The following DMD variants were observed in gnomAD, a reference collection of about 807,000 sequenced individuals.
DMD encodes mutant dystrophin.
A neutral mutation model predicts 330.1 loss-of-function variants in DMD; 63 were observed. That is an observed-to-expected ratio of 0.19 (90% CI 0.16 to 0.24). The LOEUF (loss-of-function observed/expected upper bound fraction) is 0.24. Among genes scored for constraint, DMD ranks in the 10% least tolerant of loss-of-function variants. DMD has a pLI of 1.00. For missense variants in DMD, 3,344 were observed against 2,684.1 expected, an observed-to-expected ratio of 1.25 and a Z score of -5.43; for synonymous variants, 1,223 against 959.8, an observed-to-expected ratio of 1.27 and a Z score of -5.07.
At chrX:32,731,332 G>C (rs1226876806) in intron 7 of DMD, among the ~76,000 whole-genome samples, 2 of 112,524 alleles carry the variant, frequency 1.8e-5, no homozygotes, top group Non-Finnish European at 3.8e-5. Context: ...GCAAGGCTGG[G>C]GGAGGGGCAC....
chrX:31,214,953 T>C (rs945573366), intron 64 of DMD, among the ~76,000 whole-genome samples: 28 of 85,671 alleles, frequency 3.3e-4, no homozygotes, highest in African/African-American at 1.2e-3. Context: ...TTTTTTTTTT[T>C]TTTTTTGAGA....
intron 1 of DMD, among the ~76,000 whole-genome samples, chrX:33,072,086 C>T (rs2094767211): frequency 1.8e-5 from 2 of 111,879 alleles, no homozygotes; most frequent in African/African-American, 6.5e-5. Context: ...CTAAATGGAA[C>T]ATTGAATGGC....
chrX:32,108,642 CT>C (rs1399209134), intron 44 of DMD, among the ~76,000 whole-genome samples: 1 of 111,695 alleles, frequency 9.0e-6, no homozygotes, highest in Admixed American at 9.5e-5. Context: ...AAGGTGGTAT[CT>C]TTTCTCTGCT....
rs895088205 is a variant in DMD at position 31,514,554 on chromosome X, T to C, written c.8218-7101A>G. 1.3e-4 allele frequency among the ~76,000 whole-genome samples: 15 copies of C among 112,389 alleles called. No individual in the cohort carries two copies. The East Asian group carries it at 3.9e-3, about 29-fold the overall frequency. ...TTATTAGCCACATAATGATGAAAAC[T>C]CTTTCATTACTTTGGTTTCACTAAA... On this transcript the variant is annotated intron_variant, in intron 55 of 78. Coordinates refer to ENST00000357033, the MANE Select transcript of DMD (RefSeq NM_004006.3).
intron 7 of DMD, among the ~76,000 whole-genome samples, chrX:32,721,924 C>G (rs922216731): frequency 2.8e-5 from 3 of 107,961 alleles, no homozygotes; most frequent in African/African-American, 1.0e-4. Flanking sequence ...TGTCCTTTCC[C>G]CACATATCTT....
At chrX:32,271,318 A>G (rs575710010) in intron 43 of DMD, among the ~76,000 whole-genome samples, 2 of 112,538 alleles carry the variant, frequency 1.8e-5, no homozygotes, top group Admixed American at 1.9e-4. Context: ...GTGCATCTAA[A>G]TTGTCATTTC....
chrX:31,141,146 C>T (rs1369749977), intron 76 of DMD, among the ~76,000 whole-genome samples: 2 of 111,031 alleles, frequency 1.8e-5, no homozygotes, highest in Non-Finnish European at 3.8e-5. Flanking sequence ...GAGCTGAGAT[C>T]GCACCACTGC....
intron 7 of DMD, among the ~76,000 whole-genome samples, chrX:32,782,301 C>CA (rs1256218661): frequency 9.0e-6 from 1 of 111,057 alleles, no homozygotes; most frequent in Non-Finnish European, 1.9e-5. Flanking sequence ...CAAAACAAAA[C>CA]AAAAAACTAA....
rs1293888449 is a variant in DMD, at chrX:31,351,181, T to TATAC, written c.9085-2551_9085-2548dup. On this transcript the variant is annotated intron_variant, in intron 60 of 78. Transcript: ENST00000357033. ...ATATACACACACACACACACACACATATACATACATACATACATATGTATA... is the reference window on the plus strand; with the variant it reads ...ATATACACACACACACACACACACATATACATACATACATACATACATATGTATA... Among the ~76,000 whole-genome samples, 12 of 84,859 alleles carry TATAC rather than the reference T, an allele frequency of 1.4e-4. No homozygotes were observed. In the South Asian group the frequency reaches 1.7e-3, roughly 12 times the overall value. 73.7% of individuals were successfully genotyped at this position (84,859 alleles called of 115,157 possible). A position where few individuals can be genotyped will look rare whatever the true frequency, so the allele number is the denominator to read the frequency against.
intron 50 of DMD, among the ~76,000 whole-genome samples, chrX:31,796,798 G>C (rs1163399576): frequency 9.0e-6 from 1 of 111,345 alleles, no homozygotes; most frequent in Non-Finnish European, 1.9e-5. Flanking sequence ...GCCCTTCCTG[G>C]GGGCAGGTTG....
In DMD at chrX:31,638,923, G is replaced by C. The variant is rs140870886; in HGVS notation, c.8028-11061C>G. On this transcript the variant is annotated intron_variant, in intron 54 of 78. Coordinates refer to ENST00000357033, the MANE Select transcript of DMD (RefSeq NM_004006.3). ...ATGTGAGGGGAAGGAGAATAGATGA[G>C]TGTTATCACCACCCTTTTATAGAGA... Among the ~76,000 whole-genome samples, 763 of 111,896 alleles carry C rather than the reference G, an allele frequency of 6.8e-3. 6 individuals are homozygous for C. Among genetic ancestry groups the C allele is most frequent in the African/African-American group, 0.024 (728 of 30,844 alleles).
At chrX:32,652,924 AT>A (rs1376202455) in intron 9 of DMD, among the ~76,000 whole-genome samples, 3 of 111,453 alleles carry the variant, frequency 2.7e-5, no homozygotes, top group Admixed American at 9.5e-5. Flanking sequence ...GATGATGAGC[AT>A]TTTTTTCATG....
At chrX:32,598,601 A>G (rs762492595) in intron 12 of DMD, among the ~76,000 whole-genome samples, 1 of 112,233 alleles carries the variant, frequency 8.9e-6, no homozygotes, top group African/African-American at 3.2e-5. Flanking sequence ...CAATTTTAAT[A>G]TATTTTACTT....
At chrX:33,303,081 G>A (rs2053690942) in intron 1 of DMD, among the ~76,000 whole-genome samples, 2 of 111,223 alleles carry the variant, frequency 1.8e-5, no homozygotes, top group African/African-American at 6.5e-5. Context: ...TGTTTTTCAT[G>A]GCTCAGTAGC....
At chrX:32,018,916 C>G (rs1478702692) in intron 44 of DMD, among the ~76,000 whole-genome samples, 6 of 111,602 alleles carry the variant, frequency 5.4e-5, no homozygotes, top group Non-Finnish European at 9.4e-5. Flanking sequence ...GGGCTTACTT[C>G]ACAATAGGTC....
rs757613937 is a variant in DMD, at chrX:32,791,405, G to A, written c.649+18088C>T. Among the ~76,000 whole-genome samples the A allele has an allele frequency of 9.0e-5, 10 of 111,652 alleles. No homozygotes were observed. In the East Asian group the frequency reaches 2.9e-3, roughly 32 times the overall value. ...ACACAGCTCTGAGGCCTGAGGACAG[G>A]CACGCTCAACCAACTGATGCCACCA... On this transcript the variant is annotated intron_variant, in intron 7 of 78. Transcript: ENST00000357033.
intron 16 of DMD, among the ~76,000 whole-genome samples, chrX:32,564,313 T>C (rs1356723728): frequency 8.9e-6 from 1 of 111,878 alleles, no homozygotes; most frequent in East Asian, 2.8e-4. Flanking sequence ...TAACTTTCTT[T>C]ATCAAATAAT....
intron 55 of DMD, among the ~76,000 whole-genome samples, chrX:31,587,674 C>T (rs964818506): frequency 4.5e-5 from 5 of 111,472 alleles, no homozygotes. Context: ...GCTTTGTTAA[C>T]TCCTCTCACT....
At chrX:33,091,556 CTA>C (rs375527734) in intron 1 of DMD, among the ~76,000 whole-genome samples, 177 of 111,948 alleles carry the variant, frequency 1.6e-3, no homozygotes, top group African/African-American at 5.5e-3. Context: ...ATAGAAAGTT[CTA>C]TGTTTTTTCT....
Sources: gnomAD v4.1 joint callset for allele counts (sites outside exome capture counted in the v4.1 genomes callset) on GRCh38, gnomAD v4.1.1 for gene constraint, MANE v1.5 for transcripts, NCBI Gene and HGNC (gene_info 2026-07-23, HGNC 2026-07-21) for gene names.